REEP3: variants seen among roughly 807,000 people sequenced by gnomAD.
The protein encoded by REEP3 is receptor accessory protein 3.
Under a neutral mutation model 41.3 loss-of-function variants are expected in REEP3, and 20 were observed. That is an observed-to-expected ratio of 0.48 (90% CI 0.34 to 0.70). REEP3 has a LOEUF of 0.70. Among genes scored for constraint, REEP3 ranks in the 30% least tolerant of loss-of-function variants. The pLI, the probability that REEP3 is intolerant of heterozygous loss-of-function variation, is 0.01. For synonymous variants in REEP3, 104 were observed against 101.8 expected, an observed-to-expected ratio of 1.02 and a Z score of -0.13; for missense variants, 271 against 308.8, an observed-to-expected ratio of 0.88 and a Z score of 0.92.
At chr10:63,588,746 T>C (rs1281897231) in intron 2 of REEP3, among the ~76,000 whole-genome samples, 1 of 152,188 alleles carries the variant, frequency 6.6e-6, no homozygotes, top group Non-Finnish European at 1.5e-5. Flanking sequence ...ATGTGATACA[T>C]GCTAAAGAGA....
intron 1 of REEP3, among the ~76,000 whole-genome samples, chr10:63,529,256 C>T (rs776331128): frequency 6.4e-4 from 98 of 152,242 alleles, no homozygotes; most frequent in Non-Finnish European, 1.2e-3. Flanking sequence ...GAGCCTCTTT[C>T]CAGACACACT....
intron 2 of REEP3, among the ~76,000 whole-genome samples, chr10:63,588,502 C>A (rs1956028275): frequency 6.6e-6 from 1 of 152,094 alleles, no homozygotes; most frequent in South Asian, 2.1e-4. Context: ...TTTTTACCTC[C>A]TATCTACTTT....
At chr10:63,618,987 G>C (rs772219559) in intron 6 of REEP3, among the ~76,000 whole-genome samples, 4 of 152,218 alleles carry the variant, frequency 2.6e-5, no homozygotes, top group Non-Finnish European at 4.4e-5. Context: ...TGATCTGCCT[G>C]ATTCTATTTT....
At chr10:63,524,967 G>A (rs865791033) in intron 1 of REEP3, among the ~76,000 whole-genome samples, 2 of 151,268 alleles carry the variant, frequency 1.3e-5, no homozygotes, top group East Asian at 1.9e-4. Context: ...AGCTGAGATC[G>A]TGCCACTGCA....
chr10:63,522,944 T>C (rs778863827), intron 1 of REEP3, among the ~76,000 whole-genome samples: 9 of 151,838 alleles, frequency 5.9e-5, no homozygotes, highest in Non-Finnish European at 1.3e-4. Context: ...CATACCTTTC[T>C]TGACCTAGTA....
chr10:63,581,174 A>G (rs1431326360), intron 2 of REEP3, among the ~76,000 whole-genome samples: 2 of 152,122 alleles, frequency 1.3e-5, no homozygotes, highest in Non-Finnish European at 2.9e-5. Flanking sequence ...CCATTATGTA[A>G]TTTTAAAAAT....
intron 6 of REEP3, among the ~76,000 whole-genome samples, chr10:63,612,036 T>A (rs780157670): frequency 6.6e-6 from 1 of 152,158 alleles, no homozygotes; most frequent in Non-Finnish European, 1.5e-5. Flanking sequence ...GAGGTAATGA[T>A]CAAGCATTGG....
At chr10:63,540,877 T>C (rs1955521605) in intron 1 of REEP3, among the ~76,000 whole-genome samples, 1 of 152,180 alleles carries the variant, frequency 6.6e-6, no homozygotes, top group South Asian at 2.1e-4. Flanking sequence ...TACACCACCA[T>C]GCCCAGCTTA....
rs1956354229 is a variant in REEP3 at position 63,621,627 on chromosome 10, T to C, written c.*758T>C. ...TTAATAATATAAAAGTATAGCTAAT[T>C]GTTCAGTTTTAACTATTTTTAATTA... On this transcript the variant is annotated 3_prime_UTR_variant, in exon 8 of 8. Coordinates refer to ENST00000373758, the MANE Select transcript of REEP3 (RefSeq NM_001001330.3). 6.6e-6 allele frequency: 1 copy of C among 152,662 alleles called. No individual in the cohort carries two copies. Among genetic ancestry groups the C allele is most frequent in the Non-Finnish European group, 1.5e-5 (1 of 68,012 alleles). The allele number at this position is 152,662 out of a possible 1,614,324, so 9.5% of individuals were successfully genotyped here.
At chr10:63,550,671 G>A (rs1955620892) in intron 1 of REEP3, among the ~76,000 whole-genome samples, 2 of 152,060 alleles carry the variant, frequency 1.3e-5, no homozygotes, top group African/African-American at 4.8e-5. Flanking sequence ...TGGTAAGGAT[G>A]GAATCCCCAA....
chr10:63,566,483 C>A, intron 2 of REEP3, 73 bp downstream of exon 2: 4 of 836,962 alleles, frequency 4.8e-6, no homozygotes, highest in South Asian at 1.6e-5. Context: ...CTGCTATTCT[C>A]TTAGAAACGG....
chr10:63,570,653 G>A (rs968278825), intron 2 of REEP3, among the ~76,000 whole-genome samples: 8 of 152,154 alleles, frequency 5.3e-5, no homozygotes, highest in Non-Finnish European at 1.0e-4. Flanking sequence ...GCAGGTGGCT[G>A]GAGCTGGTTT....
At position 63,621,361 on chromosome 10, in the gene REEP3, A is replaced by G. The variant is rs1000234545; in HGVS notation, c.*492A>G. The G allele has an allele frequency of 1.3e-5, 2 of 152,632 alleles. No individual in the cohort carries two copies. Among genetic ancestry groups the G allele is most frequent in the African/African-American group, 4.8e-5 (2 of 41,458 alleles). 9.5% of individuals were successfully genotyped at this position (152,632 alleles called of 1,614,324 possible). A position where few individuals can be genotyped will look rare whatever the true frequency, so the allele number is the denominator to read the frequency against. On this transcript the variant is annotated 3_prime_UTR_variant, in exon 8 of 8. Coordinates refer to ENST00000373758, the MANE Select transcript of REEP3 (RefSeq NM_001001330.3). ...TTCTTTAAATTTTTACTTATATAAT[A>G]CTTTCTAGTTTTTCCACCATCAGCT...
At chr10:63,563,574 C>A (rs774390988) in intron 1 of REEP3, among the ~76,000 whole-genome samples, 1 of 152,012 alleles carries the variant, frequency 6.6e-6, no homozygotes. Context: ...TAAGAATAAG[C>A]GACTACAGGG....
chr10:63,606,257 T>TTTTCTTTTTCTTTCTTTCTTTTTCTTTC (rs1554808459), intron 5 of REEP3: 1 of 65,568 alleles, frequency 1.5e-5, no homozygotes, highest in Non-Finnish European at 3.1e-5. Context: ...AGACTAGAAC[T>TTTTCTTTTTCTTTCTTTCTTTTTCTTTC]TTTCTTTTTC....
chr10:63,555,347 T>C (rs1462852173), intron 1 of REEP3, among the ~76,000 whole-genome samples: 2 of 152,218 alleles, frequency 1.3e-5, no homozygotes, highest in Non-Finnish European at 2.9e-5. Flanking sequence ...TTTTACTAAA[T>C]GGGAATTCTC....
intron 1 of REEP3, among the ~76,000 whole-genome samples, chr10:63,544,613 GT>G (rs1194330416): frequency 6.6e-6 from 1 of 152,180 alleles, no homozygotes; most frequent in Non-Finnish European, 1.5e-5. Context: ...CAAGTGTGTT[GT>G]TGGGGAAAGG....
intron 1 of REEP3, among the ~76,000 whole-genome samples, chr10:63,537,661 C>A (rs977354747): frequency 1.3e-5 from 2 of 152,030 alleles, no homozygotes; most frequent in Non-Finnish European, 2.9e-5. Context: ...CAGGTAGCAA[C>A]GGAAAGGAGA....
intron 4 of REEP3, among the ~76,000 whole-genome samples, chr10:63,598,644 C>T (rs1255777755): frequency 6.6e-6 from 1 of 151,276 alleles, no homozygotes; most frequent in Non-Finnish European, 1.5e-5. Flanking sequence ...ATTAGCTGGG[C>T]GTGGTGGCGG....
Sources: allele counts gnomAD v4.1 joint callset (sites outside exome capture counted in the v4.1 genomes callset), GRCh38; gene constraint gnomAD v4.1.1; transcripts MANE v1.5; gene names NCBI Gene and HGNC (gene_info 2026-07-23, HGNC 2026-07-21).